RELN: variants seen among roughly 807,000 people sequenced by gnomAD.
RELN encodes reelin.
In RELN, 108 loss-of-function variants were observed where a neutral mutation model predicts 427.6. That is an observed-to-expected ratio of 0.25 (90% CI 0.22 to 0.30). The LOEUF (loss-of-function observed/expected upper bound fraction) is 0.30, where lower values mean the gene tolerates loss of function less well. Among genes scored for constraint, RELN ranks in the 10% least tolerant of loss-of-function variants. The probability of loss-of-function intolerance (pLI) is 1.00; values close to 1 mark genes in which losing one functional copy is unlikely to be tolerated. For missense variants in RELN, 3,715 were observed against 4,302.8 expected (o/e 0.86, Z 3.82); for synonymous variants, 1,524 against 1,513.4 (o/e 1.01, Z -0.16).
At chr7:103,588,971 A>ATT (rs547731131) in intron 28 of RELN, among the ~76,000 whole-genome samples, 38 of 151,750 alleles carry the variant, frequency 2.5e-4, no homozygotes, top group African/African-American at 2.9e-4. Context: ...TGTTTCATGC[A>ATT]TTTTTTTTGC....
intron 8 of RELN, among the ~76,000 whole-genome samples, chr7:103,719,551 A>T (rs1269365125): frequency 6.6e-6 from 1 of 152,168 alleles, no homozygotes; most frequent in East Asian, 1.9e-4. Context: ...AGTTGAAGCC[A>T]GCTCAAGCAA....
chr7:103,496,456 A>C (rs1377123748), intron 56 of RELN, 70 bp downstream of exon 56: 2 of 1,590,880 alleles, frequency 1.3e-6, no homozygotes, highest in Non-Finnish European at 1.7e-6. Flanking sequence ...TTCATGTGCT[A>C]ATCTATCTGA....
chr7:103,502,586 G>C (rs2528857), intron 52 of RELN, among the ~76,000 whole-genome samples: 6,470 of 152,258 alleles, frequency 0.042, 238 homozygotes, highest in African/African-American at 0.1. Context: ...ATAAGTCACA[G>C]TGGTAGAAAT....
chr7:103,859,906 C>G (rs1332237235), intron 2 of RELN, among the ~76,000 whole-genome samples: 1 of 152,034 alleles, frequency 6.6e-6, no homozygotes, highest in Non-Finnish European at 1.5e-5. Context: ...ATGTAAGACA[C>G]CAAGATGACT....
At chr7:103,484,922 C>T (rs1484993912) in intron 61 of RELN, among the ~76,000 whole-genome samples, 1 of 152,098 alleles carries the variant, frequency 6.6e-6, no homozygotes, top group East Asian at 1.9e-4. Flanking sequence ...TGAGTTAGGA[C>T]GTGCAGGTTC....
Position 103,515,171 on chromosome 7 carries a change from T to C in RELN, c.8119+14A>G. The C allele has an allele frequency of 6.2e-7, 1 of 1,614,234 alleles. No individual in the cohort carries two copies. Among genetic ancestry groups the C allele is most frequent in the Non-Finnish European group, 8.5e-7 (1 of 1,180,046 alleles). ...TTCCACTGGGCTTTTTATTTAGCGC[T>C]GTGCATAATTTACCTGAAGTTTTGT... On this transcript the variant is annotated intron_variant, in intron 50 of 64. Transcript: ENST00000428762.
intron 7 of RELN, among the ~76,000 whole-genome samples, chr7:103,724,279 A>T (rs1432247025): frequency 6.6e-6 from 1 of 151,738 alleles, no homozygotes; most frequent in Admixed American, 6.6e-5. Context: ...GCACTTTGTT[A>T]GCCCTTATAT....
chr7:103,779,540 C>T (rs1419670200), intron 3 of RELN, among the ~76,000 whole-genome samples: 1 of 152,152 alleles, frequency 6.6e-6, no homozygotes, highest in Non-Finnish European at 1.5e-5. Flanking sequence ...GGACACAGAG[C>T]TACTGCATGA....
At chr7:103,673,460 C>T (rs1030095860) in intron 11 of RELN, among the ~76,000 whole-genome samples, 8 of 152,162 alleles carry the variant, frequency 5.3e-5, no homozygotes, top group Middle Eastern at 3.4e-3. Flanking sequence ...CAATCTTCTG[C>T]GTTTTAATTC....
intron 1 of RELN, among the ~76,000 whole-genome samples, chr7:103,987,788 C>T (rs545464000): frequency 3.8e-4 from 58 of 152,300 alleles, no homozygotes; most frequent in African/African-American, 1.2e-3. Flanking sequence ...GGACTAGTTA[C>T]AGAACATTAA....
intron 10 of RELN, among the ~76,000 whole-genome samples, chr7:103,694,636 A>G (rs1328152253): frequency 6.6e-6 from 1 of 152,108 alleles, no homozygotes; most frequent in Non-Finnish European, 1.5e-5. Flanking sequence ...ATTTTTCCGT[A>G]AATAGCTCCA....
chr7:103,848,046 A>C lies in RELN; in HGVS notation c.338-14374T>G, dbSNP rs530567392. On this transcript the variant is annotated intron_variant, in intron 2 of 64. Transcript: ENST00000428762. Reference sequence around the variant, plus strand: ...CAGTCACAGGTTATTTAGATATAACATTGCTAGGGATAATTCTTTTAGGTC... The same window carrying C: ...CAGTCACAGGTTATTTAGATATAACCTTGCTAGGGATAATTCTTTTAGGTC... Among the ~76,000 whole-genome samples the C allele has an allele frequency of 2.3e-4, 35 of 152,338 alleles. 1 individual carries two copies. Among genetic ancestry groups the C allele is most frequent in the African/African-American group, 8.2e-4 (34 of 41,578 alleles).
intron 46 of RELN, among the ~76,000 whole-genome samples, chr7:103,526,759 T>A (rs1200025314): frequency 6.6e-6 from 1 of 152,180 alleles, no homozygotes; most frequent in Admixed American, 6.5e-5. Flanking sequence ...AAGATGCTAC[T>A]TTCCGCCTCA....
chr7:103,619,238 A>G (rs1341385358), intron 20 of RELN, among the ~76,000 whole-genome samples: 1 of 152,056 alleles, frequency 6.6e-6, no homozygotes, highest in African/African-American at 2.4e-5. Context: ...AATTGGGGGG[A>G]ATGTGTCCAC....
chr7:103,961,285 A>G (rs1584403147), intron 1 of RELN, among the ~76,000 whole-genome samples: 1 of 152,224 alleles, frequency 6.6e-6, no homozygotes, highest in East Asian at 1.9e-4. Flanking sequence ...TTCATGACTG[A>G]ACATTATAAG....
intron 52 of RELN, among the ~76,000 whole-genome samples, chr7:103,501,824 A>G (rs574929957): frequency 6.6e-6 from 1 of 152,320 alleles, no homozygotes; most frequent in African/African-American, 2.4e-5. Flanking sequence ...ATCATTTCCT[A>G]ACTCAACTAT....
At chr7:103,502,888 C>G (rs866636272) in intron 52 of RELN, 128 bp downstream of exon 52, 30 of 806,256 alleles carry the variant, frequency 3.7e-5, no homozygotes, top group Middle Eastern at 3.3e-4. Context: ...ATTAGAGAAC[C>G]TTTAGAGTTA....
intron 53 of RELN, among the ~76,000 whole-genome samples, chr7:103,498,696 T>C (rs1299814524): frequency 6.6e-6 from 1 of 152,076 alleles, no homozygotes; most frequent in Non-Finnish European, 1.5e-5. Flanking sequence ...TTCACCATGT[T>C]GGCTAGGCTG....
chr7:103,903,448 C>T (rs1032650674), intron 2 of RELN, among the ~76,000 whole-genome samples: 1 of 152,090 alleles, frequency 6.6e-6, no homozygotes. Flanking sequence ...TGTTCCTGTT[C>T]ATTCTCTGTC....
Sources: allele counts gnomAD v4.1 joint callset (sites outside exome capture counted in the v4.1 genomes callset), GRCh38; gene constraint gnomAD v4.1.1; transcripts MANE v1.5; gene names NCBI Gene and HGNC (gene_info 2026-07-23, HGNC 2026-07-21).